Variants in ZDHHC14 observed in about 807,000 individuals in gnomAD.
ZDHHC14 encodes palmitoyltransferase ZDHHC14.
A neutral mutation model predicts 47.7 loss-of-function variants in ZDHHC14; 16 were observed. That is an observed-to-expected ratio of 0.34 (90% confidence interval 0.23 to 0.51). The LOEUF (loss-of-function observed/expected upper bound fraction) is 0.51. ZDHHC14 is among the 20% of genes least tolerant of loss of function. The pLI, the probability that ZDHHC14 is intolerant of heterozygous loss-of-function variation, is 0.97. For missense variants in ZDHHC14, 515 were observed against 662.5 expected (o/e 0.78, Z 2.44); for synonymous variants, 293 against 278.9 (o/e 1.05, Z -0.50).
rs4142650 is a variant in ZDHHC14 at position 157,520,443 on chromosome 6, C to T, written c.246-22142C>T. ...TAATTTGAGACTGGTGTTTCCAAAA[C>T]GTAAGTTTATAGGAAGGGAAATATG... is the stretch of plus-strand genomic sequence containing the variant. On this transcript the variant is annotated intron_variant, in intron 1 of 8. Transcript: ENST00000359775. 3.9e-5 allele frequency among the ~76,000 whole-genome samples: 6 copies of T among 152,220 alleles called. No homozygotes were observed. In the East Asian group the frequency reaches 7.7e-4, roughly 20 times the overall value.
At chr6:157,417,248 G>A (rs980309869) in intron 1 of ZDHHC14, among the ~76,000 whole-genome samples, 1 of 152,060 alleles carries the variant, frequency 6.6e-6, no homozygotes, top group Non-Finnish European at 1.5e-5. Flanking sequence ...TCCAGAAACA[G>A]GCATGTGATG....
intron 1 of ZDHHC14, among the ~76,000 whole-genome samples, chr6:157,415,900 G>T (rs1777964102): frequency 2.0e-5 from 3 of 151,724 alleles, no homozygotes; most frequent in Admixed American, 1.3e-4. Context: ...AAAAGTTGTT[G>T]GCAAAAATAA....
chr6:157,617,812 C>T (rs534822008), intron 3 of ZDHHC14, among the ~76,000 whole-genome samples: 215 of 152,334 alleles, frequency 1.4e-3, no homozygotes, highest in African/African-American at 4.9e-3. Flanking sequence ...TGGTTCTAGA[C>T]ACTGGCAATT....
chr6:157,649,099 T>C (rs1583071664), intron 7 of ZDHHC14, among the ~76,000 whole-genome samples: 1 of 152,204 alleles, frequency 6.6e-6, no homozygotes, highest in East Asian at 1.9e-4. Context: ...TTTTCCAAAA[T>C]CCATGTTCCT....
chr6:157,654,473 C>T (rs1003445117), intron 8 of ZDHHC14, among the ~76,000 whole-genome samples: 2 of 152,166 alleles, frequency 1.3e-5, no homozygotes, highest in African/African-American at 2.4e-5. Flanking sequence ...AGCTGAATCA[C>T]CCACTCCAGA....
intron 1 of ZDHHC14, among the ~76,000 whole-genome samples, chr6:157,473,546 C>T (rs1299741515): frequency 1.3e-5 from 2 of 152,138 alleles, no homozygotes; most frequent in South Asian, 2.1e-4. Context: ...ATCCAAAATG[C>T]ACGGGACTAG....
At chr6:157,619,517 C>A (rs939022584) in intron 3 of ZDHHC14, among the ~76,000 whole-genome samples, 2 of 152,222 alleles carry the variant, frequency 1.3e-5, no homozygotes, top group African/African-American at 4.8e-5. Context: ...TCATTTCATG[C>A]CCATAGAGAC....
chr6:157,397,455 A>C (rs1028444872), intron 1 of ZDHHC14, among the ~76,000 whole-genome samples: 2 of 151,826 alleles, frequency 1.3e-5, no homozygotes, highest in Admixed American at 1.3e-4. Flanking sequence ...CGGCTTCTGG[A>C]GCTATCTTGC....
intron 1 of ZDHHC14, among the ~76,000 whole-genome samples, chr6:157,386,644 T>A (rs1198934887): frequency 6.6e-6 from 1 of 152,208 alleles, no homozygotes; most frequent in Non-Finnish European, 1.5e-5. Flanking sequence ...GGAGTACTGA[T>A]GAAAAGTGAC....
intron 1 of ZDHHC14, among the ~76,000 whole-genome samples, chr6:157,506,730 A>T (rs1213649213): frequency 6.6e-6 from 1 of 152,200 alleles, no homozygotes; most frequent in Non-Finnish European, 1.5e-5. Context: ...TATATTTTAT[A>T]TTGGTCCCTG....
Position 157,672,881 on chromosome 6 carries a change from C to T in ZDHHC14, c.1226C>T (p.Pro409Leu). ...TPCASLTLGP[P>L]TPPASMPNLA... Reference sequence around the variant, plus strand: ...TGCGCCAGCCTCACACTGGGCCCGCCCACACCGCCCGCCTCCATGCCCAAC... The same window carrying T: ...TGCGCCAGCCTCACACTGGGCCCGCTCACACCGCCCGCCTCCATGCCCAAC... The change falls in exon 9 of 9, where the codon CCC (proline) becomes CTC (leucine). Residue 409 changes from proline (P) to leucine (L), a missense_variant. Physicochemically the swap from Pro to Leu is moderately conservative, Grantham distance 98. Around this residue, in one of 4 missense-constraint regions of ZDHHC14, gnomAD observed 221 missense variants for 233.6 expected, o/e 0.95. Coordinates refer to ENST00000359775, the MANE Select transcript of ZDHHC14 (RefSeq NM_024630.3). 6.2e-7 allele frequency: 1 copy of T among 1,606,932 alleles called. No homozygotes were observed. Among genetic ancestry groups the T allele is most frequent in the Non-Finnish European group, 8.5e-7 (1 of 1,177,852 alleles).
intron 1 of ZDHHC14, among the ~76,000 whole-genome samples, chr6:157,484,340 T>TATA (rs1440865862): frequency 7.1e-6 from 1 of 141,192 alleles, no homozygotes; most frequent in Admixed American, 7.3e-5. Flanking sequence ...TATATATACA[T>TATA]TATACGTATA....
chr6:157,580,866 C>T (rs980926798), intron 2 of ZDHHC14, among the ~76,000 whole-genome samples: 1 of 151,708 alleles, frequency 6.6e-6, no homozygotes, highest in African/African-American at 2.4e-5. Context: ...TTTCAAAGAA[C>T]CAACTCCTGG....
rs189113530 is a variant in ZDHHC14 at position 157,384,350 on chromosome 6, T to C, written c.245+2084T>C. On this transcript the variant is annotated intron_variant, in intron 1 of 8. Coordinates refer to ENST00000359775, the MANE Select transcript of ZDHHC14 (RefSeq NM_024630.3). ...TAACCAAACCATCATAAATTCATTT[T>C]CGTTTCTTGATCTCTGCGTGTGTTT... is the stretch of plus-strand genomic sequence containing the variant. Among the ~76,000 whole-genome samples, 79 of 152,368 alleles carry C rather than the reference T, an allele frequency of 5.2e-4. 2 individuals are homozygous for C. In the East Asian group the frequency reaches 0.013, roughly 25 times the overall value.
At chr6:157,487,296 C>T (rs1011328227) in intron 1 of ZDHHC14, among the ~76,000 whole-genome samples, 2 of 152,192 alleles carry the variant, frequency 1.3e-5, no homozygotes, top group African/African-American at 4.8e-5. Context: ...AGACCAGGTG[C>T]AGGTCAGCTG....
At chr6:157,426,457 G>A (rs1158199678) in intron 1 of ZDHHC14, among the ~76,000 whole-genome samples, 1 of 152,194 alleles carries the variant, frequency 6.6e-6, no homozygotes, top group Non-Finnish European at 1.5e-5. Flanking sequence ...AGGATCGAGG[G>A]TGACCCACAG....
At chr6:157,394,436 T>A (rs1777482701) in intron 1 of ZDHHC14, among the ~76,000 whole-genome samples, 1 of 152,334 alleles carries the variant, frequency 6.6e-6, no homozygotes, top group Non-Finnish European at 1.5e-5. Flanking sequence ...TCTCTCTCTC[T>A]CTCACTTGGG....
intron 3 of ZDHHC14, among the ~76,000 whole-genome samples, chr6:157,625,335 T>C (rs539181895): frequency 2.0e-5 from 3 of 151,992 alleles, no homozygotes. Flanking sequence ...AAGAGGCACG[T>C]GTTTGGGGAG....
intron 1 of ZDHHC14, among the ~76,000 whole-genome samples, chr6:157,518,769 G>A (rs924928): frequency 0.73 from 110,511 of 152,086 alleles, 40,653 homozygotes; most frequent in African/African-American, 0.84. Context: ...GCCAGAGAGC[G>A]CTTCCATCTG....
Sources: gnomAD v4.1 joint callset for allele counts (sites outside exome capture counted in the v4.1 genomes callset) on GRCh38, gnomAD v4.1.1 for gene constraint, gnomAD v4.1.1 regional missense constraint, MANE v1.5 for transcripts, NCBI Gene and HGNC (gene_info 2026-07-23, HGNC 2026-07-21) for gene names.